Variants in SYTL5 observed in about 807,000 individuals in gnomAD.
The protein encoded by SYTL5 is synaptotagmin-like protein 5.
SYTL5 carries 34 observed loss-of-function variants against 55.9 expected under a neutral mutation model. The observed-to-expected ratio is 0.61, with a 90% CI of 0.46 to 0.81. SYTL5 has a LOEUF of 0.81. Ranked by LOEUF, SYTL5 falls within the 30% of genes least tolerant of loss-of-function variation. The pLI is 0.00. For missense variants in SYTL5, 637 were observed against 546.7 expected (o/e 1.17, Z -1.65); for synonymous variants, 221 against 188.7 (o/e 1.17, Z -1.40).
the SYTL5 span, among the ~76,000 whole-genome samples, chrX:37,893,977 T>C: frequency 1.8e-5 from 2 of 108,969 alleles, no homozygotes; most frequent in African/African-American, 3.3e-5. Flanking sequence ...AGTACTACTT[T>C]ATCTTACCCA....
In SYTL5 at chrX:38,060,087, C is replaced by T. The variant is rs778487006; in HGVS notation, c.329+5665C>T. Reference sequence around the variant, plus strand: ...TTTTATCTTTAACTTCTAAATATCACTATCTAAATATATCTATCTAAATAT... The same window carrying T: ...TTTTATCTTTAACTTCTAAATATCATTATCTAAATATATCTATCTAAATAT... On this transcript the variant is annotated intron_variant, in intron 3 of 16. Transcript: ENST00000297875. 2.6e-3 allele frequency among the ~76,000 whole-genome samples: 288 copies of T among 111,028 alleles called. 1 individual carries two copies. The highest frequency in any genetic ancestry group is 4.6e-3 in the Middle Eastern group (1 of 219).
chrX:38,004,416 C>T (rs760497049), upstream of SYTL5, among the ~76,000 whole-genome samples: 1 of 111,930 alleles, frequency 8.9e-6, no homozygotes, highest in South Asian at 3.7e-4. Context: ...AGCAATCCCA[C>T]TCCTGAGTAT....
chrX:37,894,692 G>T, the SYTL5 span, among the ~76,000 whole-genome samples: 1 of 111,832 alleles, frequency 8.9e-6, no homozygotes, highest in South Asian at 3.7e-4. Context: ...TTCTGGAAGA[G>T]ATTAGCAATT....
the SYTL5 span, among the ~76,000 whole-genome samples, chrX:37,977,753 G>C: frequency 9.4e-6 from 1 of 105,994 alleles, no homozygotes; most frequent in Non-Finnish European, 1.9e-5. Context: ...CACACGAAGA[G>C]GGTATGAAGA....
At chrX:37,977,610 G>T in the SYTL5 span, among the ~76,000 whole-genome samples, 1 of 108,447 alleles carries the variant, frequency 9.2e-6, no homozygotes, top group East Asian at 2.9e-4. Context: ...GGGTAGAAGG[G>T]ACTGAATGTT....
At chrX:38,097,827 A>C (rs1936975837) in intron 9 of SYTL5, among the ~76,000 whole-genome samples, 1 of 109,180 alleles carries the variant, frequency 9.2e-6, no homozygotes, top group Non-Finnish European at 1.9e-5. Context: ...CTATCAGTAC[A>C]ACACAGTATT....
the SYTL5 span, among the ~76,000 whole-genome samples, chrX:37,935,533 T>C: frequency 2.4e-4 from 27 of 112,631 alleles, no homozygotes; most frequent in Admixed American, 5.6e-4. Flanking sequence ...AGGCAATAAT[T>C]GTATGTCTGT....
the SYTL5 span, among the ~76,000 whole-genome samples, chrX:37,915,101 T>C: frequency 2.8e-3 from 316 of 112,020 alleles, 1 homozygote; most frequent in African/African-American, 9.5e-3. Context: ...CTTATTTTAC[T>C]GCTGTCTCAG....
chrX:37,927,888 A>G, the SYTL5 span, among the ~76,000 whole-genome samples: 623 of 112,166 alleles, frequency 5.6e-3, 4 homozygotes, highest in Middle Eastern at 0.018. Flanking sequence ...TCAAGCCACC[A>G]TAACTTTTCT....
At chrX:38,044,761 T>C (rs1935408766) in intron 2 of SYTL5, among the ~76,000 whole-genome samples, 1 of 112,160 alleles carries the variant, frequency 8.9e-6, no homozygotes, top group Non-Finnish European at 1.9e-5. Flanking sequence ...GACTTTCTGA[T>C]GTTTTTAATA....
At chrX:38,110,777 A>G (rs1358309520) in intron 13 of SYTL5, among the ~76,000 whole-genome samples, 1 of 111,838 alleles carries the variant, frequency 8.9e-6, no homozygotes, top group Non-Finnish European at 1.9e-5. Flanking sequence ...ATATGATCTT[A>G]TTAGAGAGTC....
chrX:37,891,421 T>C, the SYTL5 span, among the ~76,000 whole-genome samples: 4 of 111,965 alleles, frequency 3.6e-5, no homozygotes, highest in African/African-American at 1.3e-4. Flanking sequence ...ATGTCCAGAA[T>C]AGGCAACTCG....
At chrX:37,986,739 C>T in the SYTL5 span, among the ~76,000 whole-genome samples, 3 of 111,802 alleles carry the variant, frequency 2.7e-5, no homozygotes, top group African/African-American at 9.8e-5. Context: ...TCATATAGTA[C>T]ACTTGTGCTG....
intron 2 of SYTL5, among the ~76,000 whole-genome samples, chrX:38,034,473 A>C (rs1317398863): frequency 2.7e-5 from 3 of 112,443 alleles, no homozygotes; most frequent in Non-Finnish European, 5.6e-5. Context: ...AATGTTAGCT[A>C]TTATTTATTT....
chrX:38,026,675 C>T (rs1033738597), intron 1 of SYTL5, among the ~76,000 whole-genome samples: 1 of 111,812 alleles, frequency 8.9e-6, no homozygotes, highest in South Asian at 3.8e-4. Flanking sequence ...CTAATGTTGC[C>T]ATGGCATCTG....
At chrX:37,919,963 G>A in the SYTL5 span, among the ~76,000 whole-genome samples, 12 of 111,336 alleles carry the variant, frequency 1.1e-4, no homozygotes, top group African/African-American at 2.6e-4. Flanking sequence ...TCCTTGACTG[G>A]TTACCAGTAA....
At chrX:37,934,358 A>G in the SYTL5 span, among the ~76,000 whole-genome samples, 1 of 109,798 alleles carries the variant, frequency 9.1e-6, no homozygotes, top group South Asian at 3.9e-4. Context: ...ATCAATAAAG[A>G]GATAAAGTAT....
At chrX:38,075,745 T>C (rs951558788) in intron 5 of SYTL5, among the ~76,000 whole-genome samples, 2 of 112,392 alleles carry the variant, frequency 1.8e-5, no homozygotes, top group East Asian at 2.8e-4. Flanking sequence ...TGGCAGATTC[T>C]ATTAAGATTG....
Position 38,102,376 on chromosome X carries a change from C to T in SYTL5, c.1097C>T (p.Ala366Val). The T allele has an allele frequency of 8.3e-7, 1 of 1,208,686 alleles. No homozygotes were observed. Among genetic ancestry groups the T allele is most frequent in the South Asian group, 1.8e-5 (1 of 56,822 alleles). Residue 366 changes from alanine (A) to valine (V), a missense_variant, in exon 10 of 17, where the codon GCC (alanine) becomes GTC (valine). Ala to Val is a moderately conservative substitution (Grantham distance 64). Coordinates refer to ENST00000297875, the MANE Select transcript of SYTL5 (RefSeq NM_138780.3). ...SLEETEESID[A>V]LVSSQLSTNT... ...GAAGAGACTGAAGAAAGCATTGATG[C>T]CTTAGTGTCCTCGCAGTTATCTACA... is the stretch of plus-strand genomic sequence containing the variant.
Sources: gnomAD v4.1 joint callset for allele counts (sites outside exome capture counted in the v4.1 genomes callset) on GRCh38, gnomAD v4.1.1 for gene constraint, MANE v1.5 for transcripts, NCBI Gene and HGNC (gene_info 2026-07-23, HGNC 2026-07-21) for gene names.